The following EPB42 variants were observed in gnomAD, a reference collection of about 807,000 sequenced individuals.
EPB42 encodes erythrocyte membrane protein band 4.2, also known as protein 4.2.
Under a neutral mutation model 76.9 loss-of-function variants are expected in EPB42, and 49 were observed. The ratio of observed to expected loss-of-function variants is 0.64; its 90% confidence interval spans 0.51 to 0.81. The LOEUF (loss-of-function observed/expected upper bound fraction) is 0.81, where lower values mean the gene tolerates loss of function less well. EPB42 is among the 30% of genes least tolerant of loss of function. The pLI is 0.00. For missense variants in EPB42, 731 were observed against 867.6 expected, an observed-to-expected ratio of 0.84 and a Z score of 1.98; for synonymous variants, 310 against 338.4, an observed-to-expected ratio of 0.92 and a Z score of 0.92.
Position 43,208,245 on chromosome 15 carries a change from G to C in EPB42, c.1060C>G (p.Pro354Ala). Residue 354 changes from proline to alanine, a missense_variant, in exon 8 of 13, where the codon CCT becomes GCT. Transcript: ENST00000441366. Reference sequence around the variant, plus strand: ...TAGGCTTTACCTCCACCTCCATTAGGAGCACTTGGGTGCAGAATCTGCCAT... The same window carrying C: ...TAGGCTTTACCTCCACCTCCATTAGCAGCACTTGGGTGCAGAATCTGCCAT... ...DGWQILHPSA[P>A]NGGGVLGSCD... 6.2e-7 allele frequency: 1 copy of C among 1,614,020 alleles called. No individual in the cohort carries two copies. Among genetic ancestry groups the C allele is most frequent in the Non-Finnish European group, 8.5e-7 (1 of 1,179,962 alleles).
At position 43,207,251 on chromosome 15, in the gene EPB42, A is replaced by G. The variant is rs752117164; in HGVS notation, c.1266T>C (p.Gly422=). Residue 422 remains glycine (G), a synonymous_variant, in exon 9 of 13, where the codon GGT becomes GGC. Transcript: ENST00000441366. ...KYVGNNISTK[G]VGSDRCEDIT... ...TGTCCTCGCAGCGGTCACTGCCCACACCCTTGGTGCTGATGTTGTTGCCAA... is the reference window on the plus strand; with the variant it reads ...TGTCCTCGCAGCGGTCACTGCCCACGCCCTTGGTGCTGATGTTGTTGCCAA... 29 of 1,613,822 alleles carry G rather than the reference A, an allele frequency of 1.8e-5. No homozygotes were observed. The highest frequency in any genetic ancestry group is 2.4e-5 in the Non-Finnish European group (28 of 1,179,984).
chr15:43,203,033 T>C, intron 11 of EPB42, 82 bp downstream of exon 11: 1 of 1,545,770 alleles, frequency 6.5e-7, no homozygotes, highest in Non-Finnish European at 8.9e-7. Context: ...AGTCATCTGC[T>C]CTGAAGGGGC....
rs201432400 is a variant in EPB42, at chr15:43,201,994, T to C, written c.1780-17A>G. On this transcript the variant is annotated splice_polypyrimidine_tract_variant and intron_variant, in intron 11 of 12. Transcript: ENST00000441366. The stretch of plus-strand genomic sequence containing the variant: ...CTCTGGCATCTGTGGGAAGAGGCAA[T>C]ACCTGGTGTGGATGCCAAGGGCACA... 6 of 1,613,756 alleles carry C rather than the reference T, an allele frequency of 3.7e-6. No homozygotes were observed. The highest frequency in any genetic ancestry group is 1.7e-4 in the Middle Eastern group (1 of 5,816).
intron 12 of EPB42, among the ~76,000 whole-genome samples, chr15:43,199,861 G>T (rs914814781): frequency 6.6e-6 from 1 of 151,972 alleles, no homozygotes; most frequent in Non-Finnish European, 1.5e-5. Flanking sequence ...TTCCACTTTC[G>T]CTTCTTCCTC....
rs1286942384 is a variant in EPB42, at chr15:43,206,371, A to G, written c.1577T>C (p.Leu526Pro). 1.2e-6 allele frequency: 2 copies of G among 1,613,274 alleles called. No homozygotes were observed. Among genetic ancestry groups the G allele is most frequent in the South Asian group, 1.1e-5 (1 of 91,070 alleles). The part of the protein sequence containing the change: ...VHYNGVLAAK[L>P]WRKKLHLTLS... ...CGTGAGGTGCAGCTTCTTCCTCCAGAGCTTGGCAGCAAGGACACCGTTGTA... is the reference window on the plus strand; with the variant it reads ...CGTGAGGTGCAGCTTCTTCCTCCAGGGCTTGGCAGCAAGGACACCGTTGTA... The change falls in exon 10 of 13, where the codon CTC becomes CCC. Residue 526 changes from leucine (L) to proline (P), a missense_variant. Leu to Pro is a moderately conservative substitution (Grantham distance 98). Coordinates refer to ENST00000441366, the MANE Select transcript of EPB42 (RefSeq NM_001114134.2). This position sits in a 1 kb window ranked among gnomAD's most constrained non-coding sequence, Gnocchi z 4.7.
chr15:43,198,948 T>C (rs1192739876), intron 12 of EPB42, among the ~76,000 whole-genome samples: 1 of 152,190 alleles, frequency 6.6e-6, no homozygotes, highest in Non-Finnish European at 1.5e-5. Flanking sequence ...GTTGAGCCTA[T>C]GGGTGCACAG....
chr15:43,200,901 G>A (rs573702720), intron 12 of EPB42, among the ~76,000 whole-genome samples: 27 of 150,430 alleles, frequency 1.8e-4, no homozygotes, highest in East Asian at 1.8e-3. Context: ...TGCAAGCTCC[G>A]CCTCCCAGGT....
chr15:43,212,574 G>A (rs1195340596), intron 3 of EPB42, among the ~76,000 whole-genome samples: 1 of 152,138 alleles, frequency 6.6e-6, no homozygotes, highest in African/African-American at 2.4e-5. Flanking sequence ...TGTAAGCAGA[G>A]GGAAGAGGAG....
Position 43,216,313 on chromosome 15 carries a change from C to T in EPB42, c.151G>A (p.Ala51Thr), listed in dbSNP as rs2042378860. 4 of 1,614,186 alleles carry T rather than the reference C, an allele frequency of 2.5e-6. No individual in the cohort carries two copies. The highest frequency in any genetic ancestry group is 1.7e-6 in the Non-Finnish European group (2 of 1,180,050). ...ACCTTCTTCAGGGCAGGCAGAAATG[C>T]ACGGACTGGAGCGCGGAAGTACAGG... ...IILYFRAPVR[A>T]FLPALKKVAL... Residue 51 changes from alanine to threonine, a missense_variant, in exon 2 of 13, where the codon GCA becomes ACA. Physicochemically the swap from Ala to Thr is moderately conservative, Grantham distance 58. Transcript: ENST00000441366.
Position 43,220,080 on chromosome 15 carries a change from G to A in EPB42, c.10+736C>T, listed in dbSNP as rs190071116. ...TTGGTCTCAGCGTCAGTTGCCCTCC[G>A]CACACCAGACCAACCAGGGCAGGGG... On this transcript the variant is annotated intron_variant, in intron 1 of 12. Coordinates refer to ENST00000441366, the MANE Select transcript of EPB42 (RefSeq NM_001114134.2). Among the ~76,000 whole-genome samples the A allele has an allele frequency of 2.0e-4, 30 of 151,924 alleles. No individual in the cohort carries two copies. The East Asian group carries it at 5.2e-3, about 26-fold the overall frequency.
intron 1 of EPB42, among the ~76,000 whole-genome samples, chr15:43,218,627 G>C (rs1271256811): frequency 3.9e-5 from 6 of 152,246 alleles, no homozygotes; most frequent in Non-Finnish European, 8.8e-5. Flanking sequence ...TCAATAGATA[G>C]CCAATCAGTG....
At chr15:43,202,025 A>T in intron 11 of EPB42, 48 bp from the exon 12 acceptor site, 8 of 1,612,578 alleles carry the variant, frequency 5.0e-6, no homozygotes, top group Non-Finnish European at 6.8e-6. Context: ...GCACAGCTGC[A>T]GTCACTCTCT....
chr15:43,198,911 C>T (rs1367975815), intron 12 of EPB42, among the ~76,000 whole-genome samples: 3 of 152,192 alleles, frequency 2.0e-5, no homozygotes, highest in East Asian at 1.9e-4. Context: ...GGGTGGAAGC[C>T]GCAAGCCTTG....
intron 9 of EPB42, among the ~76,000 whole-genome samples, 164 bp downstream of exon 9, chr15:43,207,035 T>C (rs948272650): frequency 1.3e-5 from 2 of 152,162 alleles, no homozygotes. Flanking sequence ...AACAAAGACA[T>C]ATCTGGGCCC....
In EPB42 at chr15:43,206,274, A is replaced by G. The variant is rs2042202516; in HGVS notation, c.1618+56T>C. On this transcript the variant is annotated intron_variant, in intron 10 of 12. Transcript: ENST00000441366. The surrounding 1 kb of genome is among the most constrained non-coding windows in gnomAD (Gnocchi z 4.7). The stretch of plus-strand genomic sequence containing the variant: ...CCTGTGGCTGCTGCCTGCCCAAGGC[A>G]GGGGCCATGTGTGTGTGTGTGTCGG... 1 of 1,534,244 alleles carries G rather than the reference A, an allele frequency of 6.5e-7. No homozygotes were observed. The highest frequency in any genetic ancestry group is 8.8e-7 in the Non-Finnish European group (1 of 1,135,596).
intron 6 of EPB42, 120 bp downstream of exon 6, chr15:43,209,154 T>G (rs2042252433): frequency 2.6e-6 from 3 of 1,151,356 alleles, no homozygotes; most frequent in Non-Finnish European, 3.8e-6. Flanking sequence ...TTCTGTGTGA[T>G]GAGATGGGGA....
At chr15:43,204,953 C>T (rs2042177172) in intron 10 of EPB42, among the ~76,000 whole-genome samples, 1 of 122,258 alleles carries the variant, frequency 8.2e-6, no homozygotes, top group African/African-American at 3.0e-5. Flanking sequence ...GCTCAGAAGG[C>T]TGCCCCCTCC....
At position 43,208,268 on chromosome 15, in the gene EPB42, C is replaced by T; in HGVS notation, c.1037G>A (p.Trp346Ter). The T allele has an allele frequency of 6.2e-7, 1 of 1,614,134 alleles. No individual in the cohort carries two copies. Among genetic ancestry groups the T allele is most frequent in the Non-Finnish European group, 8.5e-7 (1 of 1,179,978 alleles). The change falls in exon 8 of 13, where the codon TGG (tryptophan) becomes TAG (stop). Residue 346 changes from tryptophan to a stop codon, truncating the protein, a stop_gained. Coordinates refer to ENST00000441366, the MANE Select transcript of EPB42 (RefSeq NM_001114134.2). LOFTEE classifies it high-confidence loss of function. ...AGGAGCACTTGGGTGCAGAATCTGC[C>T]ATCCATCATAACCCTGGGGCAAGGC... ...RPALPQGYDGWQILHPSAPNG... is the reference protein window; with the variant it reads ...RPALPQGYDG
At position 43,201,876 on chromosome 15, in the gene EPB42, T is replaced by C; in HGVS notation, c.1881A>G (p.Gly627=). 6.2e-7 allele frequency: 1 copy of C among 1,614,124 alleles called. No individual in the cohort carries two copies. Among genetic ancestry groups the C allele is most frequent in the Non-Finnish European group, 8.5e-7 (1 of 1,180,006 alleles). The change falls in exon 12 of 13, where the codon GGA becomes GGG. Residue 627 remains glycine (G), a synonymous_variant. Transcript: ENST00000441366. The stretch of plus-strand genomic sequence containing the variant: ...TCCTCTCTCTGTGAATGAGCCCCCT[T>C]CCCAGGATGGAGATCACACAGTCCT... The part of the protein sequence containing the change: ...PMEDCVISIL[G]RGLIHRERSY...
Sources: gnomAD v4.1 joint callset for allele counts (sites outside exome capture counted in the v4.1 genomes callset) on GRCh38, gnomAD v4.1.1 for gene constraint, Gnocchi (gnomAD v3.1) non-coding constraint, MANE v1.5 for transcripts, NCBI Gene and HGNC (gene_info 2026-07-23, HGNC 2026-07-21) for gene names.